Variants in ARHGEF28 observed in about 807,000 individuals in gnomAD.
The protein encoded by ARHGEF28 is Rho guanine nucleotide exchange factor 28.
Under a neutral mutation model 206.6 loss-of-function variants are expected in ARHGEF28, and 152 were observed. The ratio of observed to expected loss-of-function variants is 0.74; its 90% CI spans 0.64 to 0.84. ARHGEF28 has a LOEUF of 0.84. Ranked by LOEUF, ARHGEF28 falls within the 40% of genes least tolerant of loss-of-function variation. ARHGEF28 has a pLI of 0.00. For missense variants in ARHGEF28, 2,028 were observed against 2,073.2 expected (o/e 0.98, Z 0.42); for synonymous variants, 763 against 776.4 (o/e 0.98, Z 0.29).
At chr5:73,919,039 C>A (rs905350760) in intron 35 of ARHGEF28, among the ~76,000 whole-genome samples, 6 of 152,232 alleles carry the variant, frequency 3.9e-5, no homozygotes, top group Middle Eastern at 3.4e-3. Flanking sequence ...CTCCTACTGC[C>A]GTGGGATCCC....
chr5:73,636,569 G>A (rs1289270776), intron 1 of ARHGEF28, among the ~76,000 whole-genome samples: 1 of 152,192 alleles, frequency 6.6e-6, no homozygotes, highest in Non-Finnish European at 1.5e-5. Context: ...TCTCTTTAGT[G>A]TGAGTTGGAA....
intron 11 of ARHGEF28, among the ~76,000 whole-genome samples, chr5:73,841,722 A>AT (rs992699665): frequency 3.5e-4 from 53 of 151,526 alleles, no homozygotes; most frequent in Non-Finnish European, 6.3e-4. Flanking sequence ...GAAAAAAAAA[A>AT]AAAAAAGAGA....
chr5:73,879,810 C>A (rs1321062231), intron 22 of ARHGEF28, among the ~76,000 whole-genome samples: 1 of 152,074 alleles, frequency 6.6e-6, no homozygotes, highest in African/African-American at 2.4e-5. Context: ...GAGTACCTGG[C>A]CATGTGAGGT....
At chr5:73,869,230 G>T (rs377235469) in intron 20 of ARHGEF28, among the ~76,000 whole-genome samples, 2 of 117,804 alleles carry the variant, frequency 1.7e-5, no homozygotes, top group Non-Finnish European at 3.4e-5. Flanking sequence ...GGTGGAGGGG[G>T]GTGGGGAAGG....
intron 9 of ARHGEF28, among the ~76,000 whole-genome samples, chr5:73,812,419 AG>A (rs1755897613): frequency 6.6e-6 from 1 of 152,238 alleles, no homozygotes; most frequent in Admixed American, 6.5e-5. Flanking sequence ...TTTGGACATC[AG>A]GTGACCTCAC....
chr5:73,850,411 T>G (rs1758631269), intron 13 of ARHGEF28, among the ~76,000 whole-genome samples: 1 of 152,024 alleles, frequency 6.6e-6, no homozygotes, highest in South Asian at 2.1e-4. Context: ...ATGGATTGAA[T>G]TTGTTCTGGA....
At chr5:73,804,139 G>C (rs934212555) in intron 9 of ARHGEF28, among the ~76,000 whole-genome samples, 1 of 150,022 alleles carries the variant, frequency 6.7e-6, no homozygotes, top group Non-Finnish European at 1.5e-5. Context: ...TCCAGAGCTT[G>C]AGGAAACTTG....
chr5:73,906,077 C>T (rs1317282026), intron 33 of ARHGEF28, among the ~76,000 whole-genome samples: 1 of 152,142 alleles, frequency 6.6e-6, no homozygotes, highest in African/African-American at 2.4e-5. Flanking sequence ...ATTTAGACTT[C>T]GACTCTATCA....
At chr5:73,917,139 T>C (rs1016927308) in intron 35 of ARHGEF28, among the ~76,000 whole-genome samples, 2 of 152,184 alleles carry the variant, frequency 1.3e-5, no homozygotes, top group Admixed American at 6.5e-5. Context: ...AGTGCTCTGA[T>C]TGGGAGGGAC....
At chr5:73,708,186 G>GT (rs112215333) in intron 2 of ARHGEF28, among the ~76,000 whole-genome samples, 38,562 of 147,076 alleles carry the variant, frequency 0.26, 5,488 homozygotes, top group African/African-American at 0.38. Context: ...TACTGTCAAA[G>GT]TTTTTTTTTT....
intron 35 of ARHGEF28, among the ~76,000 whole-genome samples, chr5:73,932,807 T>TTC (rs1431590775): frequency 4.8e-5 from 6 of 125,386 alleles, no homozygotes; most frequent in African/African-American, 1.6e-4. Context: ...TTTCTTTTTT[T>TTC]TTTTTTTTTT....
intron 1 of ARHGEF28, among the ~76,000 whole-genome samples, chr5:73,652,482 T>C (rs1744894230): frequency 6.6e-6 from 1 of 151,982 alleles, no homozygotes; most frequent in African/African-American, 2.4e-5. Context: ...GGTATGCACA[T>C]TTGGGGGAGC....
intron 9 of ARHGEF28, among the ~76,000 whole-genome samples, chr5:73,830,069 A>G (rs1394450890): frequency 6.6e-6 from 1 of 152,122 alleles, no homozygotes; most frequent in African/African-American, 2.4e-5. Flanking sequence ...CACTGGGGCA[A>G]TGCTATCATC....
At position 73,904,386 on chromosome 5, in the gene ARHGEF28, G is replaced by A. The variant is rs756407883; in HGVS notation, c.4142G>A (p.Arg1381His). Residue 1381 changes from arginine (R) to histidine (H), a missense_variant, in exon 33 of 36, where the codon CGT (arginine) becomes CAT (histidine). Around this residue, in one of 3 missense-constraint regions of ARHGEF28, gnomAD observed 803 missense variants for 768.0 expected, o/e 1.05. Transcript: ENST00000513042. ...ATACAAGCCATACAGAATTTAACCC[G>A]TCTCTTATACAGCCTTCAGGTAACT... ...EIIQAIQNLT[R>H]LLYSLQAALT... 3.7e-5 allele frequency: 60 copies of A among 1,612,108 alleles called. No individual in the cohort carries two copies. Among genetic ancestry groups the A allele is most frequent in the African/African-American group, 1.3e-4 (10 of 74,852 alleles).
At chr5:73,869,046 AAGGAGAGT>A (rs545799614) in intron 20 of ARHGEF28, among the ~76,000 whole-genome samples, 87 of 152,268 alleles carry the variant, frequency 5.7e-4, no homozygotes, top group Non-Finnish European at 9.4e-4. Context: ...AACCAAATGG[AAGGAGAGT>A]AGTGACAAAA....
At chr5:73,794,751 C>T (rs1419556518) in intron 8 of ARHGEF28, among the ~76,000 whole-genome samples, 1 of 151,982 alleles carries the variant, frequency 6.6e-6, no homozygotes, top group Non-Finnish European at 1.5e-5. Context: ...GGACTATAGG[C>T]GCCCACCACC....
intron 4 of ARHGEF28, among the ~76,000 whole-genome samples, chr5:73,770,115 TA>T (rs1695089255): frequency 6.6e-6 from 1 of 152,246 alleles, no homozygotes; most frequent in African/African-American, 2.4e-5. Context: ...TAGTAACACT[TA>T]AACTGTCTGA....
intron 7 of ARHGEF28, among the ~76,000 whole-genome samples, chr5:73,791,346 T>A (rs1191633210): frequency 6.6e-6 from 1 of 152,174 alleles, no homozygotes; most frequent in Non-Finnish European, 1.5e-5. Context: ...AACACTACCA[T>A]CAGGGTGTTT....
Position 73,941,029 on chromosome 5 carries a change from T to C in ARHGEF28, c.*16T>C, listed in dbSNP as rs113354143. 1.2e-3 allele frequency: 1,759 copies of C among 1,466,640 alleles called. 25 individuals are homozygous for C. The African/African-American group carries it at 0.023, about 19-fold the overall frequency. 90.9% of individuals were successfully genotyped at this position (1,466,640 alleles called of 1,614,324 possible). A position where few individuals can be genotyped will look rare whatever the true frequency, so the allele number is the denominator to read the frequency against. On this transcript the variant is annotated 3_prime_UTR_variant, in exon 36 of 36. Coordinates refer to ENST00000513042, the MANE Select transcript of ARHGEF28 (RefSeq NM_001177693.2). ...TTACCTCTAATTGTGTTGTCATTTT[T>C]CCAAACAAAACAAAACACTGGCACT...
Sources: allele counts gnomAD v4.1 joint callset (sites outside exome capture counted in the v4.1 genomes callset), GRCh38; gene constraint gnomAD v4.1.1; regional missense constraint gnomAD v4.1.1; transcripts MANE v1.5; gene names NCBI Gene and HGNC (gene_info 2026-07-23, HGNC 2026-07-21).